Variants in EIF3H observed in about 807,000 individuals in gnomAD.
EIF3H encodes eukaryotic translation initiation factor 3 subunit H.
A neutral mutation model predicts 44.2 loss-of-function variants in EIF3H; 26 were observed. That is an observed-to-expected ratio of 0.59 (90% CI 0.43 to 0.82). The LOEUF is 0.82. EIF3H is among the 40% of genes least tolerant of loss of function. The pLI is 0.00. For missense variants in EIF3H, 359 were observed against 432.8 expected (o/e 0.83, Z 1.51); for synonymous variants, 166 against 151.9 (o/e 1.09, Z -0.68).
At chr8:116,671,606 G>A (rs1235281618) in intron 2 of EIF3H, among the ~76,000 whole-genome samples, 1 of 152,130 alleles carries the variant, frequency 6.6e-6, no homozygotes, top group Admixed American at 6.5e-5. Flanking sequence ...GACCTTCTAG[G>A]CGCTGTCCAG....
At chr8:116,738,829 TA>T (rs1368615583) in intron 1 of EIF3H, among the ~76,000 whole-genome samples, 1 of 152,226 alleles carries the variant, frequency 6.6e-6, no homozygotes, top group Non-Finnish European at 1.5e-5. Context: ...TTCACAGTAT[TA>T]AAAAACACTG....
chr8:116,675,410 A>T (rs761768875), intron 2 of EIF3H, among the ~76,000 whole-genome samples: 2 of 152,138 alleles, frequency 1.3e-5, no homozygotes, highest in Admixed American at 6.5e-5. Flanking sequence ...TTTGTTGTGG[A>T]GGACTATCCT....
chr8:116,758,001 C>T (rs372193409), upstream of EIF3H, among the ~76,000 whole-genome samples: 7 of 152,118 alleles, frequency 4.6e-5, no homozygotes, highest in Non-Finnish European at 8.8e-5. Flanking sequence ...GGATTATAGG[C>T]GTGAGCCACC....
At chr8:116,684,349 A>G (rs1401166823) in intron 2 of EIF3H, among the ~76,000 whole-genome samples, 2 of 152,216 alleles carry the variant, frequency 1.3e-5, no homozygotes, top group African/African-American at 4.8e-5. Flanking sequence ...TTTCTAAAAT[A>G]TATCCACTGT....
At chr8:116,667,774 G>A (rs1408480419) in intron 2 of EIF3H, among the ~76,000 whole-genome samples, 1 of 152,150 alleles carries the variant, frequency 6.6e-6, no homozygotes, top group African/African-American at 2.4e-5. Context: ...GCCTGATAAT[G>A]CTATAGTGAC....
At chr8:116,731,140 A>G (rs1814943925) in intron 1 of EIF3H, among the ~76,000 whole-genome samples, 1 of 152,214 alleles carries the variant, frequency 6.6e-6, no homozygotes, top group African/African-American at 2.4e-5. Context: ...ATGTATCACA[A>G]ATGACCCCAC....
chr8:116,661,305 A>T (rs1813583386), intron 2 of EIF3H, among the ~76,000 whole-genome samples: 1 of 152,238 alleles, frequency 6.6e-6, no homozygotes, highest in Non-Finnish European at 1.5e-5. Context: ...AACGAGTAAG[A>T]TTTTAAAAAA....
upstream of EIF3H, among the ~76,000 whole-genome samples, chr8:116,759,311 G>C (rs1815490972): frequency 6.6e-6 from 1 of 152,226 alleles, no homozygotes; most frequent in Non-Finnish European, 1.5e-5. Flanking sequence ...TGTGGGCGCT[G>C]CCCATGTGTG....
intron 1 of EIF3H, among the ~76,000 whole-genome samples, chr8:116,750,576 A>C (rs1340632292): frequency 6.6e-6 from 1 of 151,600 alleles, no homozygotes; most frequent in African/African-American, 2.4e-5. Flanking sequence ...CGCCCGACTA[A>C]TTTTTTGTAT....
chr8:116,700,442 CTAGTGT>C (rs890924942), intron 2 of EIF3H, among the ~76,000 whole-genome samples: 2 of 151,852 alleles, frequency 1.3e-5, no homozygotes, highest in African/African-American at 4.8e-5. Flanking sequence ...TCAACTACCA[CTAGTGT>C]TAGTGTATTT....
At chr8:116,688,860 G>A (rs1006030277) in intron 2 of EIF3H, among the ~76,000 whole-genome samples, 5 of 152,088 alleles carry the variant, frequency 3.3e-5, no homozygotes, top group Non-Finnish European at 7.4e-5. Flanking sequence ...TAATAGAAAC[G>A]TGTAAATGGT....
intron 1 of EIF3H, among the ~76,000 whole-genome samples, chr8:116,762,008 G>A (rs1002355999): frequency 3.3e-5 from 5 of 152,172 alleles, no homozygotes; most frequent in Admixed American, 6.5e-5. Context: ...AGAAACAAAT[G>A]TCAAGACAGT....
rs537248089 is a variant in EIF3H at position 116,718,837 on chromosome 8, C to A, written c.289+7179G>T. On this transcript the variant is annotated intron_variant, in intron 2 of 7. Transcript: ENST00000521861. ...AGAAATCACCACTAAAAAACTCATT[C>A]ATGTAACCAAACACCACCTGTTCCC... Among the ~76,000 whole-genome samples the A allele has an allele frequency of 4.6e-5, 7 of 151,932 alleles. No individual in the cohort carries two copies. In the South Asian group the frequency reaches 1.2e-3, roughly 27 times the overall value.
chr8:116,665,563 A>T (rs1813653402), intron 2 of EIF3H, among the ~76,000 whole-genome samples: 1 of 152,182 alleles, frequency 6.6e-6, no homozygotes, highest in African/African-American at 2.4e-5. Flanking sequence ...AAAACCCCAC[A>T]ATTTCCCAGA....
chr8:116,737,894 G>T (rs1815068960), intron 1 of EIF3H, among the ~76,000 whole-genome samples: 3 of 151,656 alleles, frequency 2.0e-5, no homozygotes, highest in Non-Finnish European at 2.9e-5. Flanking sequence ...AAGTAGCCAG[G>T]CCTGGTGGTG....
rs766970177 is a variant in EIF3H at position 116,716,739 on chromosome 8, A to C, written c.289+9277T>G. 3.3e-5 allele frequency among the ~76,000 whole-genome samples: 5 copies of C among 152,178 alleles called. No homozygotes were observed. The East Asian group carries it at 9.6e-4, about 29-fold the overall frequency. On this transcript the variant is annotated intron_variant, in intron 2 of 7. Transcript: ENST00000521861. ...TGTAGCGGGAATGAAGCCATTAAAA[A>C]ATATGTGAATGGGCATCACCGTGTC...
At chr8:116,735,931 T>C (rs1309060685) in intron 1 of EIF3H, among the ~76,000 whole-genome samples, 1 of 152,184 alleles carries the variant, frequency 6.6e-6, no homozygotes, top group Non-Finnish European at 1.5e-5. Flanking sequence ...AGGTGTGGAA[T>C]TTTCCAATGT....
intron 2 of EIF3H, among the ~76,000 whole-genome samples, chr8:116,718,612 G>T (rs1814691678): frequency 6.6e-6 from 1 of 151,882 alleles, no homozygotes. Flanking sequence ...TCTAAGTGAA[G>T]TAACTCGGGA....
At chr8:116,662,003 C>T (rs1813593474) in intron 2 of EIF3H, among the ~76,000 whole-genome samples, 1 of 152,090 alleles carries the variant, frequency 6.6e-6, no homozygotes, top group Non-Finnish European at 1.5e-5. Context: ...ATTTCCTCTT[C>T]CATGGTTTAG....
Sources: allele counts gnomAD v4.1 joint callset (sites outside exome capture counted in the v4.1 genomes callset), GRCh38; gene constraint gnomAD v4.1.1; transcripts MANE v1.5; gene names NCBI Gene and HGNC (gene_info 2026-07-23, HGNC 2026-07-21).